Variants in RALGAPA2 observed in about 807,000 individuals in gnomAD.
RALGAPA2 encodes ral GTPase-activating protein subunit alpha-2.
RALGAPA2 carries 139 observed loss-of-function variants against 230.4 expected under a neutral mutation model. The ratio of observed to expected loss-of-function variants is 0.60; its 90% CI spans 0.53 to 0.69. RALGAPA2 has a LOEUF of 0.69. Among genes scored for constraint, RALGAPA2 ranks in the 30% least tolerant of loss-of-function variants. The pLI, the probability that RALGAPA2 is intolerant of heterozygous loss-of-function variation, is 0.00. For missense variants in RALGAPA2, 2,163 were observed against 2,276.0 expected (o/e 0.95, Z 1.01); for synonymous variants, 847 against 837.8 (o/e 1.01, Z -0.19).
chr20:20,457,939 G>A (rs1181283009), intron 37 of RALGAPA2, among the ~76,000 whole-genome samples: 2 of 152,188 alleles, frequency 1.3e-5, no homozygotes, highest in Admixed American at 6.5e-5. Flanking sequence ...GGGGCATGGA[G>A]GGCACAGGCC....
intron 15 of RALGAPA2, 45 bp from the exon 16 acceptor site, chr20:20,601,891 T>C: frequency 6.7e-7 from 1 of 1,499,672 alleles, no homozygotes; most frequent in South Asian, 1.3e-5. Context: ...AATTCATTAT[T>C]ATTCATTTCA....
At chr20:20,451,062 A>G (rs1218304527) in intron 37 of RALGAPA2, among the ~76,000 whole-genome samples, 1 of 152,234 alleles carries the variant, frequency 6.6e-6, no homozygotes, top group Non-Finnish European at 1.5e-5. Flanking sequence ...ACATATGCCA[A>G]ACGTGGAGAA....
chr20:20,478,381 C>A (rs1465427638), intron 36 of RALGAPA2, among the ~76,000 whole-genome samples: 1 of 150,452 alleles, frequency 6.6e-6, no homozygotes, highest in African/African-American at 2.5e-5. Flanking sequence ...CAAACAAATT[C>A]AAAGAAAGTA....
intron 1 of RALGAPA2, among the ~76,000 whole-genome samples, chr20:20,703,626 A>G (rs917028188): frequency 2.0e-5 from 3 of 152,242 alleles, no homozygotes; most frequent in African/African-American, 7.2e-5. Flanking sequence ...ACATTTTGCA[A>G]AAGTGTAAAC....
At position 20,662,740 on chromosome 20, in the gene RALGAPA2, G is replaced by C. The variant is rs1423805910; in HGVS notation, c.271-9153C>G. 4.6e-5 allele frequency among the ~76,000 whole-genome samples: 7 copies of C among 152,274 alleles called. No homozygotes were observed. In the East Asian group the frequency reaches 7.7e-4, roughly 17 times the overall value. ...GAGATACATAAAAGACACCATTCCT[G>C]CTCTAAAAGTTAGAGCCCTAAGAGG... On this transcript the variant is annotated intron_variant, in intron 3 of 39. Coordinates refer to ENST00000202677, the MANE Select transcript of RALGAPA2 (RefSeq NM_020343.4).
Position 20,712,612 on chromosome 20 carries a change from C to T in RALGAPA2, c.-132G>A, listed in dbSNP as rs976617050. 35 of 1,181,624 alleles carry T rather than the reference C, an allele frequency of 3.0e-5. No homozygotes were observed. The highest frequency in any genetic ancestry group is 2.8e-4 in the African/African-American group (17 of 61,714). 73.2% of individuals were successfully genotyped at this position (1,181,624 alleles called of 1,614,324 possible). A position where few individuals can be genotyped will look rare whatever the true frequency, so the allele number is the denominator to read the frequency against. ...CCCCCAGCCCCGCTGCTGCCGCCGCCGCCGCCGCCGCCGCCGCCTCAGCTG... is the reference window on the plus strand; with the variant it reads ...CCCCCAGCCCCGCTGCTGCCGCCGCTGCCGCCGCCGCCGCCGCCTCAGCTG... On this transcript the variant is annotated 5_prime_UTR_variant, in exon 1 of 40. Transcript: ENST00000202677. This position sits in a 1 kb window ranked among gnomAD's most constrained non-coding sequence, Gnocchi z 5.5.
At chr20:20,608,206 G>A (rs1415936373) in intron 14 of RALGAPA2, among the ~76,000 whole-genome samples, 3 of 152,120 alleles carry the variant, frequency 2.0e-5, no homozygotes, top group African/African-American at 7.2e-5. Context: ...AATCACTCCT[G>A]TTCTTATGAA....
intron 14 of RALGAPA2, among the ~76,000 whole-genome samples, chr20:20,607,999 G>A (rs1212168365): frequency 1.3e-5 from 2 of 152,124 alleles, no homozygotes; most frequent in Non-Finnish European, 2.9e-5. Flanking sequence ...TTTTCTAAAA[G>A]GAAGAGGGAA....
chr20:20,494,650 G>T (rs1349067988), intron 36 of RALGAPA2, among the ~76,000 whole-genome samples: 1 of 152,200 alleles, frequency 6.6e-6, no homozygotes, highest in Non-Finnish European at 1.5e-5. Context: ...GGACATGCCT[G>T]CAATTCTGCA....
rs373462108 is a variant in RALGAPA2, at chr20:20,571,988, G to A, written c.2902-42C>T. 42 of 1,357,864 alleles carry A rather than the reference G, an allele frequency of 3.1e-5. No homozygotes were observed. The African/African-American group carries it at 5.6e-4, about 18-fold the overall frequency. 84.1% of individuals were successfully genotyped at this position (1,357,864 alleles called of 1,614,324 possible). A position where few individuals can be genotyped will look rare whatever the true frequency, so the allele number is the denominator to read the frequency against. Reference sequence around the variant, plus strand: ...AGAATTTTAGGGTAGGTAACATTACGTTTATCCCAACAGTATTTCAACAGT... The same window carrying A: ...AGAATTTTAGGGTAGGTAACATTACATTTATCCCAACAGTATTTCAACAGT... On this transcript the variant is annotated intron_variant, in intron 21 of 39. Transcript: ENST00000202677.
At chr20:20,519,876 ATTTT>A (rs890839627) in intron 31 of RALGAPA2, among the ~76,000 whole-genome samples, 35 of 146,290 alleles carry the variant, frequency 2.4e-4, no homozygotes, top group Admixed American at 2.4e-3. Context: ...CATCTCTTTA[ATTTT>A]TTTTTTTTTA....
Position 20,659,448 on chromosome 20 carries a change from T to C in RALGAPA2, c.271-5861A>G, listed in dbSNP as rs549547962. ...GTTTAAAGTTAAAAGAAAGTTATTC[T>C]AGAACTGAAAGTCCATCAGCCACAT... is the stretch of plus-strand genomic sequence containing the variant. On this transcript the variant is annotated intron_variant, in intron 3 of 39. Transcript: ENST00000202677. 3.9e-5 allele frequency among the ~76,000 whole-genome samples: 6 copies of C among 152,344 alleles called. No individual in the cohort carries two copies. The South Asian group carries it at 1.0e-3, about 26-fold the overall frequency.
intron 24 of RALGAPA2, among the ~76,000 whole-genome samples, chr20:20,538,765 T>G (rs2063563543): frequency 6.6e-6 from 1 of 152,028 alleles, no homozygotes; most frequent in East Asian, 1.9e-4. Context: ...CATGCGTCTT[T>G]GTGGAGTGCA....
chr20:20,511,176 A>C, intron 33 of RALGAPA2, 78 bp downstream of exon 33: 1 of 1,527,244 alleles, frequency 6.5e-7, no homozygotes. Context: ...AAGTCTATTC[A>C]TTCCTGCTGT....
At position 20,495,310 on chromosome 20, in the gene RALGAPA2, T is replaced by G. The variant is rs763003857; in HGVS notation, c.5209-35A>C. On this transcript the variant is annotated intron_variant, in intron 35 of 39. Coordinates refer to ENST00000202677, the MANE Select transcript of RALGAPA2 (RefSeq NM_020343.4). ...CAAATTGACTGTTTATTAATCAGGGTGATAACAGCAGTTTATGAGGGGTCA... is the reference window on the plus strand; with the variant it reads ...CAAATTGACTGTTTATTAATCAGGGGGATAACAGCAGTTTATGAGGGGTCA... The G allele has an allele frequency of 2.7e-6, 4 of 1,465,264 alleles. No homozygotes were observed. The Admixed American group carries it at 6.0e-5, about 22-fold the overall frequency. The allele number at this position is 1,465,264 out of a possible 1,614,324, so 90.8% of individuals were successfully genotyped here. A position where few individuals can be genotyped will look rare whatever the true frequency, so the allele number is the denominator to read the frequency against.
Position 20,398,310 on chromosome 20 carries a change from G to A in RALGAPA2, c.5618-1576C>T, listed in dbSNP as rs1460650481. Among the ~76,000 whole-genome samples the A allele has an allele frequency of 2.6e-5, 4 of 152,210 alleles. No homozygotes were observed. The highest frequency in any genetic ancestry group is 3.8e-4 in the East Asian group (2 of 5,196). On this transcript the variant is annotated intron_variant, in intron 38 of 39. Transcript: ENST00000202677. The surrounding 1 kb of genome is among the most constrained non-coding windows in gnomAD (Gnocchi z 4.5). Reference sequence around the variant, plus strand: ...GGTAGAAACCAAGAAAGCAGATGGCGCAGCTAACAATGGAGGACTTGTTTG... The same window carrying A: ...GGTAGAAACCAAGAAAGCAGATGGCACAGCTAACAATGGAGGACTTGTTTG...
chr20:20,513,327 G>A, intron 31 of RALGAPA2, 43 bp from the exon 32 acceptor site: 3 of 1,234,568 alleles, frequency 2.4e-6, no homozygotes, highest in South Asian at 2.8e-5. Flanking sequence ...AGTGGTGAAT[G>A]AAGATTAAAA....
chr20:20,557,803 C>A (rs2064130842), intron 23 of RALGAPA2, among the ~76,000 whole-genome samples: 1 of 152,110 alleles, frequency 6.6e-6, no homozygotes, highest in Admixed American at 6.6e-5. Context: ...GAGAGATCAT[C>A]ATTCAATCTT....
chr20:20,469,748 G>A (rs1049450979), intron 37 of RALGAPA2, among the ~76,000 whole-genome samples: 1 of 152,184 alleles, frequency 6.6e-6, no homozygotes. Context: ...GTTGACCACG[G>A]TTTGATTTTG....
Sources: gnomAD v4.1 joint callset for allele counts (sites outside exome capture counted in the v4.1 genomes callset) on GRCh38, gnomAD v4.1.1 for gene constraint, Gnocchi (gnomAD v3.1) non-coding constraint, MANE v1.5 for transcripts, NCBI Gene and HGNC (gene_info 2026-07-23, HGNC 2026-07-21) for gene names.